The following CNTRL variants were observed in gnomAD, a reference collection of about 807,000 sequenced individuals.
The protein encoded by CNTRL is 110 kDa centrosomal protein.
In CNTRL, 233 loss-of-function variants were observed where a neutral mutation model predicts 303.7. The observed-to-expected ratio is 0.77, with a 90% CI of 0.69 to 0.86. The LOEUF (loss-of-function observed/expected upper bound fraction) is 0.86. Among genes scored for constraint, CNTRL ranks in the 40% least tolerant of loss-of-function variants. The probability of loss-of-function intolerance (pLI) is 0.00; values close to 1 mark genes in which losing one functional copy is unlikely to be tolerated. For missense variants in CNTRL, 2,524 were observed against 2,650.6 expected (o/e 0.95, Z 1.05); for synonymous variants, 900 against 922.2 (o/e 0.98, Z 0.44).
intron 6 of CNTRL, 144 bp from the exon 7 acceptor site, chr9:121,098,242 C>T (rs2048976260): frequency 1.6e-6 from 1 of 620,952 alleles, no homozygotes; most frequent in Non-Finnish European, 2.8e-6. Flanking sequence ...TCATATACTC[C>T]CTTTCCTGAC....
chr9:121,152,816 C>T (rs1053106579), intron 26 of CNTRL, 123 bp downstream of exon 26: 4 of 738,982 alleles, frequency 5.4e-6, no homozygotes, highest in Non-Finnish European at 8.8e-6. Flanking sequence ...ACCACTAGCT[C>T]AGTGTGGCTG....
chr9:121,078,356 C>T (rs1437064537), intron 1 of CNTRL, among the ~76,000 whole-genome samples: 1 of 151,840 alleles, frequency 6.6e-6, no homozygotes, highest in East Asian at 1.9e-4. Context: ...TATAGTGAGC[C>T]GAGATCACAC....
intron 7 of CNTRL, among the ~76,000 whole-genome samples, chr9:121,106,295 T>C (rs1588122164): frequency 7.6e-6 from 1 of 131,320 alleles, no homozygotes; most frequent in Non-Finnish European, 1.5e-5. Flanking sequence ...GCCGAGGTCA[T>C]CCCACTCCAC....
chr9:121,088,606 C>T (rs954295601), intron 3 of CNTRL, 63 bp downstream of exon 3: 42 of 1,109,902 alleles, frequency 3.8e-5, no homozygotes, highest in Admixed American at 6.8e-5. Flanking sequence ...GGAAAATTTT[C>T]GGCTTGCATT....
At chr9:121,161,081 AG>A (rs202002770) in intron 32 of CNTRL, among the ~76,000 whole-genome samples, 2,320 of 152,354 alleles carry the variant, frequency 0.015, 29 homozygotes, top group Non-Finnish European at 0.025. Flanking sequence ...GAAAAAAAGT[AG>A]GTAAAAAATG....
intron 4 of CNTRL, among the ~76,000 whole-genome samples, chr9:121,091,712 C>T (rs1407332435): frequency 1.3e-5 from 2 of 151,704 alleles, no homozygotes; most frequent in East Asian, 3.9e-4. Flanking sequence ...GGCGTAGTGG[C>T]GGGCGCCTGT....
chr9:121,135,768 G>A, intron 14 of CNTRL, 38 bp from the exon 15 acceptor site: 1 of 1,564,872 alleles, frequency 6.4e-7, no homozygotes, highest in Non-Finnish European at 8.7e-7. Flanking sequence ...AAGCAGCACA[G>A]TGAGGGTTCC....
chr9:121,175,659 T>G (rs2053493315), intron 43 of CNTRL, among the ~76,000 whole-genome samples: 2 of 152,054 alleles, frequency 1.3e-5, no homozygotes. Context: ...TTCAGAAAAA[T>G]ATAGATTATG....
At chr9:121,106,967 C>G (rs1322649783) in intron 7 of CNTRL, among the ~76,000 whole-genome samples, 3 of 152,048 alleles carry the variant, frequency 2.0e-5, no homozygotes, top group Non-Finnish European at 4.4e-5. Flanking sequence ...TAGATCTAGT[C>G]TAGGTGAGCC....
intron 4 of CNTRL, among the ~76,000 whole-genome samples, chr9:121,091,855 G>A (rs1031009717): frequency 7.8e-5 from 11 of 140,724 alleles, no homozygotes; most frequent in Non-Finnish European, 1.4e-4. Context: ...GCTTCTTGTT[G>A]TTAAGGTCTC....
chr9:121,163,646 G>A (rs1201305184), intron 34 of CNTRL, among the ~76,000 whole-genome samples: 1 of 151,938 alleles, frequency 6.6e-6, no homozygotes, highest in Non-Finnish European at 1.5e-5. Flanking sequence ...CATGTATAAA[G>A]AACTCTCAAA....
In CNTRL at chr9:121,175,223, A is replaced by G. The variant is rs1367689120; in HGVS notation, c.6953A>G (p.Gln2318Arg). The change falls in exon 43 of 44, where the codon CAG becomes CGG. Residue 2318 changes from glutamine to arginine, a missense_variant and splice_region_variant. Physicochemically the swap from Gln to Arg is conservative, Grantham distance 43. Transcript: ENST00000373855. ...GAGGACTCTCAACTTGGACAAAATC[A>G]GGTAAGCAGCAGCTCTTTTTAAAAA... ...LTEDSQLGQN[Q>R]EKNASAR is the part of the protein sequence containing the mutation. 1 of 1,613,744 alleles carries G rather than the reference A, an allele frequency of 6.2e-7. No individual in the cohort carries two copies. Among genetic ancestry groups the G allele is most frequent in the Non-Finnish European group, 8.5e-7 (1 of 1,179,756 alleles).
intron 2 of CNTRL, among the ~76,000 whole-genome samples, chr9:121,082,997 A>G (rs2048202677): frequency 1.4e-5 from 2 of 145,914 alleles, no homozygotes; most frequent in Non-Finnish European, 3.0e-5. Flanking sequence ...TAGAAAAAGT[A>G]CAATAAAAAT....
intron 14 of CNTRL, among the ~76,000 whole-genome samples, chr9:121,131,037 T>A (rs1041593988): frequency 2.6e-5 from 4 of 152,136 alleles, no homozygotes; most frequent in East Asian, 1.9e-4. Context: ...TTTTGAGGAG[T>A]GCTTTACTTC....
At chr9:121,159,944 A>G (rs2052769619) in intron 31 of CNTRL, among the ~76,000 whole-genome samples, 199 bp from the exon 32 acceptor site, 1 of 152,176 alleles carries the variant, frequency 6.6e-6, no homozygotes, top group Non-Finnish European at 1.5e-5. Flanking sequence ...ATTTAGATGA[A>G]GAGAATATGT....
At position 121,171,257 on chromosome 9, in the gene CNTRL, C is replaced by T. The variant is rs1236321522; in HGVS notation, c.6277-151C>T. 5 of 784,166 alleles carry T rather than the reference C, an allele frequency of 6.4e-6. No homozygotes were observed. In the South Asian group the frequency reaches 7.3e-5, roughly 11 times the overall value. 48.6% of individuals were successfully genotyped at this position (784,166 alleles called of 1,614,324 possible). The stretch of plus-strand genomic sequence containing the variant: ...TACGCCCAGCTGTATTTGATCTGCC[C>T]ATGAAAGGCCGATAGAATTATCCCC... On this transcript the variant is annotated intron_variant, in intron 39 of 43. Coordinates refer to ENST00000373855, the MANE Select transcript of CNTRL (RefSeq NM_007018.6).
At chr9:121,091,595 C>T (rs2048573482) in intron 4 of CNTRL, among the ~76,000 whole-genome samples, 1 of 152,140 alleles carries the variant, frequency 6.6e-6, no homozygotes, top group Admixed American at 6.5e-5. Context: ...GTAATCCCAG[C>T]ACTTTGGGAG....
rs543626529 is a variant in CNTRL at position 121,102,383 on chromosome 9, T to G, written c.808+3811T>G. Among the ~76,000 whole-genome samples the G allele has an allele frequency of 2.0e-5, 3 of 152,318 alleles. No homozygotes were observed. In the East Asian group the frequency reaches 5.8e-4, roughly 29 times the overall value. On this transcript the variant is annotated intron_variant, in intron 7 of 43. Transcript: ENST00000373855. ...GCTAAAAACTCAATAAATTAGGTATTGATGGGATGTATCTCAAAATAATAA... is the reference window on the plus strand; with the variant it reads ...GCTAAAAACTCAATAAATTAGGTATGGATGGGATGTATCTCAAAATAATAA...
chr9:121,094,489 A>G (rs372690275), intron 4 of CNTRL, among the ~76,000 whole-genome samples: 68 of 152,346 alleles, frequency 4.5e-4, no homozygotes, highest in Admixed American at 1.2e-3. Flanking sequence ...CTCGCCTCTC[A>G]GAACTGTCAC....
Sources: gnomAD v4.1 joint callset for allele counts (sites outside exome capture counted in the v4.1 genomes callset) on GRCh38, gnomAD v4.1.1 for gene constraint, MANE v1.5 for transcripts, NCBI Gene and HGNC (gene_info 2026-07-23, HGNC 2026-07-21) for gene names.